Variants in ZBTB21 observed in about 807,000 individuals in gnomAD.
The protein encoded by ZBTB21 is zinc finger and BTB domain containing 21.
ZBTB21 carries 10 observed loss-of-function variants against 39.8 expected under a neutral mutation model. That is an observed-to-expected ratio of 0.25 (90% confidence interval 0.16 to 0.43). The LOEUF (loss-of-function observed/expected upper bound fraction) is 0.43. ZBTB21 is among the 20% of genes least tolerant of loss of function. The probability of loss-of-function intolerance (pLI) is 1.00; values close to 1 mark genes in which losing one functional copy is unlikely to be tolerated. For missense variants in ZBTB21, 1,221 were observed against 1,296.3 expected (o/e 0.94, Z 0.89); for synonymous variants, 551 against 498.8 (o/e 1.10, Z -1.40).
chr21:42,008,961 C>G (rs901960494), intron 1 of ZBTB21, among the ~76,000 whole-genome samples: 1 of 152,156 alleles, frequency 6.6e-6, no homozygotes, highest in African/African-American at 2.4e-5. Flanking sequence ...CATGAGAAAT[C>G]TTTCTAAAAT....
In ZBTB21 at chr21:41,991,935, C is replaced by T; in HGVS notation, c.2161G>A (p.Val721Ile). 1.9e-6 allele frequency: 3 copies of T among 1,614,086 alleles called. No homozygotes were observed. The highest frequency in any genetic ancestry group is 1.3e-5 in the African/African-American group (1 of 75,054). Residue 721 changes from valine to isoleucine, a missense_variant, in exon 3 of 3, where the codon GTT becomes ATT. This residue lies in a region of ZBTB21 where 523 missense variants were observed against 542.5 expected (regional missense o/e 0.96). Transcript: ENST00000310826. The surrounding 1 kb of genome is among the most constrained non-coding windows in gnomAD (Gnocchi z 4.9). Reference protein sequence around the residue: ...PLASPVENKEVYQCRLCNAKL... With the variant: ...PLASPVENKEIYQCRLCNAKL... ...GCATTACAGAGGCGGCACTGGTAAA[C>T]CTCCTTGTTTTCTACTGGACTTGCA...
At position 41,989,856 on chromosome 21, in the gene ZBTB21, G is replaced by A. The variant is rs964779103; in HGVS notation, c.*1039C>T. The A allele has an allele frequency of 6.6e-6, 1 of 152,152 alleles. No individual in the cohort carries two copies. Among genetic ancestry groups the A allele is most frequent in the African/African-American group, 2.4e-5 (1 of 41,450 alleles). 9.4% of individuals were successfully genotyped at this position (152,152 alleles called of 1,614,324 possible). A position where few individuals can be genotyped will look rare whatever the true frequency, so the allele number is the denominator to read the frequency against. ...AACTGCAGTGAGGTGTTTCTCCTCT[G>A]CTCTATCTGGAAGTAAATGGTAATT... On this transcript the variant is annotated 3_prime_UTR_variant, in exon 3 of 3. Coordinates refer to ENST00000310826, the MANE Select transcript of ZBTB21 (RefSeq NM_001098402.2).
In ZBTB21 at chr21:41,991,444, C is replaced by T; in HGVS notation, c.2652G>A (p.Glu884=). The part of the protein sequence containing the change: ...LKIQVKEEPV[E]EAEEEAPEAS... ...CCTCGGGTGCCTCTTCTTCAGCCTCCTCCACAGGCTCCTCTTTGACTTGGA... is the reference window on the plus strand; with the variant it reads ...CCTCGGGTGCCTCTTCTTCAGCCTCTTCCACAGGCTCCTCTTTGACTTGGA... Residue 884 remains glutamate, a synonymous_variant, in exon 3 of 3, where the codon GAG becomes GAA. Coordinates refer to ENST00000310826, the MANE Select transcript of ZBTB21 (RefSeq NM_001098402.2). This position sits in a 1 kb window ranked among gnomAD's most constrained non-coding sequence, Gnocchi z 4.9. 1.2e-6 allele frequency: 2 copies of T among 1,613,704 alleles called. No individual in the cohort carries two copies. The highest frequency in any genetic ancestry group is 2.2e-5 in the South Asian group (2 of 91,048).
rs1437155911 is a variant in ZBTB21 at position 41,988,224 on chromosome 21, A to G, written c.*2671T>C. On this transcript the variant is annotated 3_prime_UTR_variant, in exon 3 of 3. Coordinates refer to ENST00000310826, the MANE Select transcript of ZBTB21 (RefSeq NM_001098402.2). ...TCTCCCACATAAACGATTCAGTATC[A>G]AGTTCTCAGATTAACAAAGAATATA... 1 of 152,090 alleles carries G rather than the reference A, an allele frequency of 6.6e-6. No homozygotes were observed. The highest frequency in any genetic ancestry group is 2.4e-5 in the African/African-American group (1 of 41,404). 9.4% of individuals were successfully genotyped at this position (152,090 alleles called of 1,614,324 possible).
chr21:41,987,218 G>A lies in ZBTB21; in HGVS notation c.*3677C>T, dbSNP rs2065589562. ...AATTCTGTTATTTTAAAGATTTACA[G>A]TAAAATACTTTGGTTCCCAAAAGAC... On this transcript the variant is annotated 3_prime_UTR_variant, in exon 3 of 3. Coordinates refer to ENST00000310826, the MANE Select transcript of ZBTB21 (RefSeq NM_001098402.2). The A allele has an allele frequency of 1.3e-5, 2 of 152,142 alleles. No homozygotes were observed. Among genetic ancestry groups the A allele is most frequent in the African/African-American group, 4.8e-5 (2 of 41,430 alleles). The allele number at this position is 152,142 out of a possible 1,614,324, so 9.4% of individuals were successfully genotyped here.
Position 41,989,156 on chromosome 21 carries a change from A to G in ZBTB21, c.*1739T>C, listed in dbSNP as rs1037024096. ...CCATCAAATTTAAGAAAGAATAGGA[A>G]GTTAACTACTAAAATATTGTGGAAT... On this transcript the variant is annotated 3_prime_UTR_variant, in exon 3 of 3. Transcript: ENST00000310826. 1 of 152,170 alleles carries G rather than the reference A, an allele frequency of 6.6e-6. No homozygotes were observed. Among genetic ancestry groups the G allele is most frequent in the South Asian group, 2.1e-4 (1 of 4,830 alleles). The allele number at this position is 152,170 out of a possible 1,614,324, so 9.4% of individuals were successfully genotyped here.
chr21:42,007,495 ATC>A (rs371888879), intron 1 of ZBTB21, among the ~76,000 whole-genome samples: 46 of 152,046 alleles, frequency 3.0e-4, no homozygotes, highest in African/African-American at 1.1e-3. Context: ...GCCACCCAAA[ATC>A]TCTCTCTTCC....
intron 2 of ZBTB21, among the ~76,000 whole-genome samples, chr21:42,002,123 A>G (rs2065824917): frequency 6.6e-6 from 1 of 152,198 alleles, no homozygotes. Context: ...CATTCTCCCC[A>G]GTACCCCAGG....
At position 41,989,508 on chromosome 21, in the gene ZBTB21, A is replaced by G. The variant is rs2065622406; in HGVS notation, c.*1387T>C. 1 of 152,008 alleles carries G rather than the reference A, an allele frequency of 6.6e-6. No homozygotes were observed. Among genetic ancestry groups the G allele is most frequent in the Non-Finnish European group, 1.5e-5 (1 of 67,966 alleles). 9.4% of individuals were successfully genotyped at this position (152,008 alleles called of 1,614,324 possible). On this transcript the variant is annotated 3_prime_UTR_variant, in exon 3 of 3. Transcript: ENST00000310826. ...TAGTTTCGTTTTTTTAATACATCTA[A>G]CTCCCACCCCCACAAGTAAAAGTTT...
Position 41,990,081 on chromosome 21 carries a change from T to C in ZBTB21, c.*814A>G, listed in dbSNP as rs1424281294. On this transcript the variant is annotated 3_prime_UTR_variant, in exon 3 of 3. Coordinates refer to ENST00000310826, the MANE Select transcript of ZBTB21 (RefSeq NM_001098402.2). ...AATGAAATATGTGCAGTCCTTCAAATGCTGGTCTGAATTTAGACTGTGGTG... is the reference window on the plus strand; with the variant it reads ...AATGAAATATGTGCAGTCCTTCAAACGCTGGTCTGAATTTAGACTGTGGTG... 6.6e-6 allele frequency: 1 copy of C among 152,262 alleles called. No homozygotes were observed. Among genetic ancestry groups the C allele is most frequent in the Non-Finnish European group, 1.5e-5 (1 of 68,030 alleles). 9.4% of individuals were successfully genotyped at this position (152,262 alleles called of 1,614,324 possible).
rs766677597 is a variant in ZBTB21 at position 41,991,857 on chromosome 21, C to T, written c.2239G>A (p.Ala747Thr). Reference sequence around the variant, plus strand: ...AGGCTGCAGTAAGGGCAGACGGCCGCGTTCCGGCACAGCCGCTCGTGGCTT... The same window carrying T: ...AGGCTGCAGTAAGGGCAGACGGCCGTGTTCCGGCACAGCCGCTCGTGGCTT... ...QGSHERLCRN[A>T]AVCPYCSLRF... is the part of the protein sequence containing the mutation. The change falls in exon 3 of 3, where the codon GCG becomes ACG. Residue 747 changes from alanine (A) to threonine (T), a missense_variant. Coordinates refer to ENST00000310826, the MANE Select transcript of ZBTB21 (RefSeq NM_001098402.2). This position sits in a 1 kb window ranked among gnomAD's most constrained non-coding sequence, Gnocchi z 4.9. 5 of 1,614,066 alleles carry T rather than the reference C, an allele frequency of 3.1e-6. No individual in the cohort carries two copies. The highest frequency in any genetic ancestry group is 1.3e-5 in the African/African-American group (1 of 74,940).
At position 41,991,942 on chromosome 21, in the gene ZBTB21, G is replaced by C. The variant is rs771225314; in HGVS notation, c.2154C>G (p.Asn718Lys). 6.8e-6 allele frequency: 11 copies of C among 1,614,076 alleles called. No homozygotes were observed. Among genetic ancestry groups the C allele is most frequent in the East Asian group, 2.2e-5 (1 of 44,886 alleles). ...AGAGGCGGCACTGGTAAACCTCCTT[G>C]TTTTCTACTGGACTTGCAAGAGGAG... ...EHAPLASPVE[N>K]KEVYQCRLCN... The change falls in exon 3 of 3, where the codon AAC (asparagine) becomes AAG (lysine). Residue 718 changes from asparagine to lysine, a missense_variant. This residue lies in a region of ZBTB21 where 523 missense variants were observed against 542.5 expected (regional missense o/e 0.96). Transcript: ENST00000310826. This position sits in a 1 kb window ranked among gnomAD's most constrained non-coding sequence, Gnocchi z 4.9.
chr21:41,991,290 G>C lies in ZBTB21; in HGVS notation c.2806C>G (p.Pro936Ala). ...TTGTTGCACACGTGACAAATAAATGGTTTCACAGAGCACAGAAGCTCCTGG... is the reference window on the plus strand; with the variant it reads ...TTGTTGCACACGTGACAAATAAATGCTTTCACAGAGCACAGAAGCTCCTGG... ...RHQELLCSVK[P>A]FICHVCNKAF... The change falls in exon 3 of 3, where the codon CCA becomes GCA. Residue 936 changes from proline to alanine, a missense_variant. Physicochemically the swap from Pro to Ala is conservative, Grantham distance 27 (BLOSUM62 -1). This residue lies in a region of ZBTB21 where 523 missense variants were observed against 542.5 expected (regional missense o/e 0.96). Transcript: ENST00000310826. This position sits in a 1 kb window ranked among gnomAD's most constrained non-coding sequence, Gnocchi z 4.9. 6.2e-7 allele frequency: 1 copy of C among 1,613,508 alleles called. No individual in the cohort carries two copies. Among genetic ancestry groups the C allele is most frequent in the Non-Finnish European group, 8.5e-7 (1 of 1,179,632 alleles).
rs748615379 is a variant in ZBTB21 at position 41,991,339 on chromosome 21, C to T, written c.2757G>A (p.Thr919=). Residue 919 remains threonine (T), a synonymous_variant, in exon 3 of 3, where the codon ACG becomes ACA. Coordinates refer to ENST00000310826, the MANE Select transcript of ZBTB21 (RefSeq NM_001098402.2). The surrounding 1 kb of genome is among the most constrained non-coding windows in gnomAD (Gnocchi z 4.9). ...WPCEKCGKMF[T]VHKQLERHQE... is the part of the protein sequence containing the mutation. ...GGTGACGCTCCAGCTGCTTATGCAC[C>T]GTGAACATCTTCCCACACTTCTCGC... The T allele has an allele frequency of 6.8e-6, 11 of 1,606,786 alleles. No individual in the cohort carries two copies. The highest frequency in any genetic ancestry group is 2.2e-5 in the South Asian group (2 of 89,900).
At chr21:42,007,437 T>A (rs144010259) in intron 1 of ZBTB21, among the ~76,000 whole-genome samples, 7 of 152,230 alleles carry the variant, frequency 4.6e-5, no homozygotes, top group African/African-American at 1.7e-4. Context: ...TCCACCCTTA[T>A]TGGACACTAC....
At position 41,988,544 on chromosome 21, in the gene ZBTB21, T is replaced by C. The variant is rs1054425065; in HGVS notation, c.*2351A>G. 2 of 151,296 alleles carry C rather than the reference T, an allele frequency of 1.3e-5. No homozygotes were observed. The highest frequency in any genetic ancestry group is 2.4e-5 in the African/African-American group (1 of 41,416). 9.4% of individuals were successfully genotyped at this position (151,296 alleles called of 1,614,324 possible). A position where few individuals can be genotyped will look rare whatever the true frequency, so the allele number is the denominator to read the frequency against. ...TAAAATAGTTACATGAGTGGAAGCA[T>C]ATTTTTTTTGACCACCAAAATAAAC... On this transcript the variant is annotated 3_prime_UTR_variant, in exon 3 of 3. Transcript: ENST00000310826.
intron 1 of ZBTB21, among the ~76,000 whole-genome samples, chr21:42,003,502 A>G (rs1242176007): frequency 1.3e-5 from 2 of 152,198 alleles, no homozygotes; most frequent in Admixed American, 1.3e-4. Context: ...ATTCACTATT[A>G]ACTATGAGTG....
Position 41,992,846 on chromosome 21 carries a change from T to C in ZBTB21, c.1250A>G (p.Asp417Gly). Reference sequence around the variant, plus strand: ...AGTCACAGGGGAAGCTCCCTCCCTGTCTGTTGACTGAGAAGCACTAAAGGA... The same window carrying C: ...AGTCACAGGGGAAGCTCCCTCCCTGCCTGTTGACTGAGAAGCACTAAAGGA... ...LRSFSASQST[D>G]REGASPVTEV... The change falls in exon 3 of 3, where the codon GAC (aspartate) becomes GGC (glycine). Residue 417 changes from aspartate to glycine, a missense_variant. Physicochemically the swap from Asp to Gly is moderately conservative, Grantham distance 94. Transcript: ENST00000310826. This position sits in a 1 kb window ranked among gnomAD's most constrained non-coding sequence, Gnocchi z 4.1. The C allele has an allele frequency of 6.2e-7, 1 of 1,614,188 alleles. No homozygotes were observed. Among genetic ancestry groups the C allele is most frequent in the African/African-American group, 1.3e-5 (1 of 75,048 alleles).
At chr21:42,002,417 G>A (rs1406849096) in intron 2 of ZBTB21, 1 of 152,144 alleles carries the variant, frequency 6.6e-6, no homozygotes, top group Non-Finnish European at 1.5e-5. Flanking sequence ...AACTGCTGAC[G>A]ATCACGAGAT....
Sources: gnomAD v4.1 joint callset for allele counts (sites outside exome capture counted in the v4.1 genomes callset) on GRCh38, gnomAD v4.1.1 for gene constraint, gnomAD v4.1.1 regional missense constraint, Gnocchi (gnomAD v3.1) non-coding constraint, MANE v1.5 for transcripts, NCBI Gene and HGNC (gene_info 2026-07-23, HGNC 2026-07-21) for gene names.